DOCK7: variants seen among roughly 807,000 people sequenced by gnomAD.
DOCK7 encodes the protein dedicator of cytokinesis protein 7.
A neutral mutation model predicts 271.0 loss-of-function variants in DOCK7; 138 were observed. The observed-to-expected ratio is 0.51, with a 90% CI of 0.44 to 0.59. The LOEUF (loss-of-function observed/expected upper bound fraction) is 0.59. Ranked by LOEUF, DOCK7 falls within the 20% of genes least tolerant of loss-of-function variation. The pLI, the probability that DOCK7 is intolerant of heterozygous loss-of-function variation, is 0.00. For missense variants in DOCK7, 2,066 were observed against 2,592.4 expected (o/e 0.80, Z 4.41); for synonymous variants, 823 against 876.1 (o/e 0.94, Z 1.07).
chr1:62,576,803 T>G (rs1046777925), intron 18 of DOCK7, among the ~76,000 whole-genome samples: 1 of 152,204 alleles, frequency 6.6e-6, no homozygotes, highest in Non-Finnish European at 1.5e-5. Flanking sequence ...ATCTCATGTA[T>G]TACAGGTTCA....
At chr1:62,588,749 A>T (rs1332826536) in intron 14 of DOCK7, among the ~76,000 whole-genome samples, 1 of 151,894 alleles carries the variant, frequency 6.6e-6, no homozygotes, top group Non-Finnish European at 1.5e-5. Context: ...AAATTTATTT[A>T]TTTTTTTAAG....
chr1:62,632,701 G>A (rs541275826), intron 10 of DOCK7, among the ~76,000 whole-genome samples: 2 of 152,078 alleles, frequency 1.3e-5, no homozygotes, highest in Non-Finnish European at 2.9e-5. Context: ...ATTAGGCTGG[G>A]TATGGTGGCT....
rs1662090978 is a variant in DOCK7, at chr1:62,688,286, G to GAC, written c.-23_-22insGT. Reference sequence around the variant, plus strand: ...CCATGGCTGCTGCGGCGACGGCGACGGCGGCGGCGGCTGCGGCGGGCCGGG... The same window carrying GAC: ...CCATGGCTGCTGCGGCGACGGCGACGACGCGGCGGCGGCTGCGGCGGGCCGGG... On this transcript the variant is annotated 5_prime_UTR_variant, in exon 1 of 50. Transcript: ENST00000635253. 7 of 1,230,064 alleles carry GAC rather than the reference G, an allele frequency of 5.7e-6. No individual in the cohort carries two copies. The African/African-American group carries it at 1.1e-4, about 20-fold the overall frequency. The allele number at this position is 1,230,064 out of a possible 1,614,324, so 76.2% of individuals were successfully genotyped here.
At chr1:62,512,347 C>T (rs1287772445) in intron 33 of DOCK7, among the ~76,000 whole-genome samples, 2 of 152,122 alleles carry the variant, frequency 1.3e-5, no homozygotes, top group South Asian at 2.1e-4. Context: ...ATTTACAAAA[C>T]GTTTCTGCAT....
At chr1:62,682,106 G>A (rs1661240003) in intron 1 of DOCK7, among the ~76,000 whole-genome samples, 1 of 151,958 alleles carries the variant, frequency 6.6e-6, no homozygotes, top group Non-Finnish European at 1.5e-5. Flanking sequence ...ATTTGTGGAG[G>A]TACAGTGAAA....
At chr1:62,481,134 T>A in intron 43 of DOCK7, among the ~76,000 whole-genome samples, 1 of 151,342 alleles carries the variant, frequency 6.6e-6, no homozygotes, top group Non-Finnish European at 1.5e-5. Flanking sequence ...GCGACGTGCA[T>A]CCCAGGCAGA....
intron 14 of DOCK7, chr1:62,605,382 T>A (rs1028982125): frequency 2.6e-5 from 4 of 153,364 alleles, no homozygotes; most frequent in African/African-American, 9.6e-5. Flanking sequence ...ATGTTTGATA[T>A]GATTTATTTA....
chr1:62,541,433 A>G (rs1196600214), intron 25 of DOCK7, among the ~76,000 whole-genome samples: 1 of 152,196 alleles, frequency 6.6e-6, no homozygotes, highest in African/African-American at 2.4e-5. Flanking sequence ...GTCCACTTAT[A>G]TGTAGGTTTT....
At chr1:62,553,869 G>A (rs1288568361) in intron 21 of DOCK7, among the ~76,000 whole-genome samples, 1 of 150,022 alleles carries the variant, frequency 6.7e-6, no homozygotes, top group East Asian at 2.0e-4. Context: ...ACACACACAC[G>A]CACACGCAGC....
At chr1:62,685,829 C>T (rs1178135099) in intron 1 of DOCK7, among the ~76,000 whole-genome samples, 18 of 152,200 alleles carry the variant, frequency 1.2e-4, no homozygotes, top group Admixed American at 1.0e-3. Context: ...CTCCTCAGTC[C>T]GCCTCACCTT....
chr1:62,587,242 T>C (rs1557760869), intron 14 of DOCK7, among the ~76,000 whole-genome samples: 4 of 134,794 alleles, frequency 3.0e-5, no homozygotes, highest in South Asian at 4.6e-4. Context: ...CAAACTTTAA[T>C]AGTCCTTGCT....
chr1:62,486,908 G>C (rs1646309911), intron 43 of DOCK7: 1 of 151,866 alleles, frequency 6.6e-6, no homozygotes, highest in Non-Finnish European at 1.5e-5. Context: ...AGGATATCCT[G>C]GTTTAATACA....
intron 21 of DOCK7, among the ~76,000 whole-genome samples, chr1:62,554,557 C>G (rs1302793480): frequency 1.4e-5 from 2 of 146,242 alleles, no homozygotes; most frequent in African/African-American, 5.1e-5. Context: ...TCCAACCTGT[C>G]TTTTATTTTT....
chr1:62,681,331 A>G (rs1156463840), intron 1 of DOCK7, among the ~76,000 whole-genome samples: 1 of 147,000 alleles, frequency 6.8e-6, no homozygotes, highest in Admixed American at 6.9e-5. Flanking sequence ...TGGGAATTGA[A>G]CAATGAGAAC....
intron 48 of DOCK7, among the ~76,000 whole-genome samples, chr1:62,465,683 C>A (rs1317685403): frequency 6.6e-6 from 1 of 152,060 alleles, no homozygotes; most frequent in East Asian, 1.9e-4. Flanking sequence ...TCCGGAGTAC[C>A]TGGGATTACA....
At chr1:62,497,703 C>T (rs756830659) in intron 37 of DOCK7, among the ~76,000 whole-genome samples, 10 of 152,124 alleles carry the variant, frequency 6.6e-5, no homozygotes, top group Non-Finnish European at 1.5e-4. Context: ...TCTTTCATAT[C>T]TCTCAGTCTA....
Position 62,552,707 on chromosome 1 carries a change from T to C in DOCK7, c.2766+25A>G, listed in dbSNP as rs182394086. On this transcript the variant is annotated intron_variant, in intron 22 of 49. Coordinates refer to ENST00000635253, the MANE Select transcript of DOCK7 (RefSeq NM_001367561.1). Reference sequence around the variant, plus strand: ...TTTGTTCACAAAACAAAAACCAAATTTACAGATGCATGTCTTCAGTTTACC... The same window carrying C: ...TTTGTTCACAAAACAAAAACCAAATCTACAGATGCATGTCTTCAGTTTACC... The C allele has an allele frequency of 1.9e-3, 2,913 of 1,561,996 alleles. 6 individuals carry two copies. The highest frequency in any genetic ancestry group is 4.2e-3 in the South Asian group (346 of 83,104).
At position 62,626,940 on chromosome 1, in the gene DOCK7, G is replaced by GA. The variant is rs576988590; in HGVS notation, c.1283-1540dup. Among the ~76,000 whole-genome samples the GA allele has an allele frequency of 2.1e-3, 316 of 152,044 alleles. 2 individuals are homozygous for GA. The highest frequency in any genetic ancestry group is 7.2e-3 in the African/African-American group (301 of 41,518). On this transcript the variant is annotated intron_variant, in intron 11 of 49. Transcript: ENST00000635253. ...AACCAGACAGAGTCATCAAAAGAAAGAAAAACTACAGACTAATATACCTTA... is the reference window on the plus strand; with the variant it reads ...AACCAGACAGAGTCATCAAAAGAAAGAAAAAACTACAGACTAATATACCTTA...
intron 18 of DOCK7, among the ~76,000 whole-genome samples, chr1:62,574,014 T>C (rs868033967): frequency 6.6e-6 from 1 of 152,170 alleles, no homozygotes; most frequent in Non-Finnish European, 1.5e-5. Flanking sequence ...AGGAAGTACC[T>C]TGGCTGTAAG....
Sources: allele counts gnomAD v4.1 joint callset (sites outside exome capture counted in the v4.1 genomes callset), GRCh38; gene constraint gnomAD v4.1.1; transcripts MANE v1.5; gene names NCBI Gene and HGNC (gene_info 2026-07-23, HGNC 2026-07-21).